ARHGAP12: variants seen among roughly 807,000 people sequenced by gnomAD.
The protein encoded by ARHGAP12 is Rho GTPase activating protein 12.
ARHGAP12 carries 64 observed loss-of-function variants against 108.6 expected under a neutral mutation model. That is an observed-to-expected ratio of 0.59 (90% CI 0.48 to 0.73). ARHGAP12 has a LOEUF of 0.73. Among genes scored for constraint, ARHGAP12 ranks in the 30% least tolerant of loss-of-function variants. The pLI is 0.00. For missense variants in ARHGAP12, 940 were observed against 1,005.9 expected, an observed-to-expected ratio of 0.93 and a Z score of 0.89; for synonymous variants, 312 against 337.2, an observed-to-expected ratio of 0.93 and a Z score of 0.82.
At chr10:31,883,017 C>T (rs1238013791) in intron 3 of ARHGAP12, among the ~76,000 whole-genome samples, 4 of 150,040 alleles carry the variant, frequency 2.7e-5, no homozygotes, top group Admixed American at 6.6e-5. Context: ...ACTCTTGGGC[C>T]GGGCACAGTG....
chr10:31,843,942 T>C (rs1176889164), intron 6 of ARHGAP12, among the ~76,000 whole-genome samples: 2 of 152,218 alleles, frequency 1.3e-5, no homozygotes, highest in African/African-American at 2.4e-5. Flanking sequence ...AAGAGTAGTA[T>C]ATTATCAATA....
In ARHGAP12 at chr10:31,808,980, A is replaced by C. The variant is rs773043178; in HGVS notation, c.2263+14T>G. 1 of 1,560,624 alleles carries C rather than the reference A, an allele frequency of 6.4e-7. No individual in the cohort carries two copies. The highest frequency in any genetic ancestry group is 8.7e-7 in the Non-Finnish European group (1 of 1,144,800). On this transcript the variant is annotated intron_variant, in intron 18 of 19. Coordinates refer to ENST00000344936, the MANE Select transcript of ARHGAP12 (RefSeq NM_018287.7). The stretch of plus-strand genomic sequence containing the variant: ...TCAATATCTAGAAAAAACTGAGTAG[A>C]ATTACATACTTACTAATTGCATTAA...
At chr10:31,887,880 A>C (rs1838248998) in intron 3 of ARHGAP12, among the ~76,000 whole-genome samples, 1 of 151,640 alleles carries the variant, frequency 6.6e-6, no homozygotes, top group Admixed American at 6.6e-5. Context: ...GATGGTCTCA[A>C]TCTTCTGACC....
intron 4 of ARHGAP12, among the ~76,000 whole-genome samples, chr10:31,856,083 G>T (rs962772401): frequency 9.9e-5 from 15 of 152,078 alleles, no homozygotes; most frequent in Non-Finnish European, 1.5e-4. Context: ...CAAATATGAG[G>T]GGGCTATGGT....
At chr10:31,889,620 T>A (rs139440186) in intron 3 of ARHGAP12, among the ~76,000 whole-genome samples, 1 of 54,012 alleles carries the variant, frequency 1.9e-5, no homozygotes, top group Admixed American at 2.1e-4. Context: ...ATTTTTCTCG[T>A]TTTTTTTTTT....
In ARHGAP12 at chr10:31,805,496, T is replaced by A. The variant is rs915566003; in HGVS notation, c.*2162A>T. ...TATATTTTCTACTATAAAACCAAGC[T>A]GTCAAGACAGGAAAATATTACTAGC... On this transcript the variant is annotated 3_prime_UTR_variant, in exon 20 of 20. Transcript: ENST00000344936. The A allele has an allele frequency of 6.6e-6, 1 of 152,202 alleles. No individual in the cohort carries two copies. Among genetic ancestry groups the A allele is most frequent in the Non-Finnish European group, 1.5e-5 (1 of 68,036 alleles). The allele number at this position is 152,202 out of a possible 1,614,324, so 9.4% of individuals were successfully genotyped here. A position where few individuals can be genotyped will look rare whatever the true frequency, so the allele number is the denominator to read the frequency against.
rs939722629 is a variant in ARHGAP12, at chr10:31,847,310, C to T, written c.1171-3724G>A. Among the ~76,000 whole-genome samples, 54 of 150,308 alleles carry T rather than the reference C, an allele frequency of 3.6e-4. 1 individual carries two copies. The highest frequency in any genetic ancestry group is 2.7e-4 in the Admixed American group (4 of 15,020). On this transcript the variant is annotated intron_variant, in intron 6 of 19. Transcript: ENST00000344936. ...AGGTCATATTTGGATGTTTTGAGTA[C>T]TATAAGACTTTGGTTTCTATTTAAA...
At chr10:31,917,135 G>C (rs1351420512) in intron 1 of ARHGAP12, among the ~76,000 whole-genome samples, 1 of 151,714 alleles carries the variant, frequency 6.6e-6, no homozygotes, top group African/African-American at 2.4e-5. Context: ...CAGGCCGGGC[G>C]CGATGGCTCA....
At chr10:31,879,790 T>C in intron 3 of ARHGAP12, among the ~76,000 whole-genome samples, 1 of 152,186 alleles carries the variant, frequency 6.6e-6, no homozygotes, top group African/African-American at 2.4e-5. Context: ...ACTAATACCA[T>C]CAGTGCTACA....
intron 1 of ARHGAP12, among the ~76,000 whole-genome samples, chr10:31,925,759 C>T (rs578229843): frequency 7.8e-4 from 119 of 152,290 alleles, no homozygotes; most frequent in Non-Finnish European, 1.2e-3. Context: ...CACTTTTAGA[C>T]TCCAAAACTG....
intron 4 of ARHGAP12, among the ~76,000 whole-genome samples, chr10:31,856,520 G>C (rs896512435): frequency 6.6e-6 from 1 of 152,054 alleles, no homozygotes; most frequent in Non-Finnish European, 1.5e-5. Context: ...CCCAATAATT[G>C]GGGAAAATAA....
chr10:31,859,852 T>C (rs188193959), intron 4 of ARHGAP12, among the ~76,000 whole-genome samples: 178 of 151,572 alleles, frequency 1.2e-3, no homozygotes, highest in Non-Finnish European at 2.1e-3. Flanking sequence ...TGGAGTGCAG[T>C]GGTGCAATCT....
In ARHGAP12 at chr10:31,908,188, G is replaced by A; in HGVS notation, c.668C>T (p.Ser223Phe). 1 of 1,604,538 alleles carries A rather than the reference G, an allele frequency of 6.2e-7. No homozygotes were observed. The highest frequency in any genetic ancestry group is 8.5e-7 in the Non-Finnish European group (1 of 1,175,704). Residue 223 changes from serine to phenylalanine, a missense_variant, in exon 3 of 20, where the codon TCC becomes TTC. Transcript: ENST00000344936. Reference protein sequence around the residue: ...SESGDELSSSSTEQIRATTPP... With the variant: ...SESGDELSSSFTEQIRATTPP... ...TAATCTTACCCTTATCTGTTCAGTG[G>A]AGCTGCTGCTAAGTTCATCACCAGA...
chr10:31,861,273 T>A (rs1000302843), intron 4 of ARHGAP12, 122 bp downstream of exon 4: 2 of 1,183,970 alleles, frequency 1.7e-6, no homozygotes, highest in Non-Finnish European at 2.4e-6. Context: ...TTTTTAATGA[T>A]CTTAGAGATC....
chr10:31,907,444 G>C (rs1341183909), intron 3 of ARHGAP12, among the ~76,000 whole-genome samples: 3 of 149,238 alleles, frequency 2.0e-5, no homozygotes, highest in Non-Finnish European at 4.5e-5. Flanking sequence ...GGGCAACACA[G>C]TGAGATCCTG....
chr10:31,868,600 G>A (rs1164511354), intron 3 of ARHGAP12, among the ~76,000 whole-genome samples: 1 of 152,114 alleles, frequency 6.6e-6, no homozygotes, highest in African/African-American at 2.4e-5. Flanking sequence ...CAGAGTTACT[G>A]GGGGTGGCAA....
chr10:31,879,589 T>A (rs1837859694), intron 3 of ARHGAP12, among the ~76,000 whole-genome samples: 1 of 152,194 alleles, frequency 6.6e-6, no homozygotes, highest in Non-Finnish European at 1.5e-5. Flanking sequence ...TAACTTAATC[T>A]TCCCCAAATA....
chr10:31,927,426 A>C (rs1041701222), intron 1 of ARHGAP12, among the ~76,000 whole-genome samples: 5 of 152,140 alleles, frequency 3.3e-5, no homozygotes, highest in Non-Finnish European at 7.4e-5. Context: ...TTCCATTGAA[A>C]CACCCGGAGT....
intron 3 of ARHGAP12, among the ~76,000 whole-genome samples, chr10:31,892,534 ATT>A (rs1328454071): frequency 6.6e-6 from 1 of 152,260 alleles, no homozygotes; most frequent in Non-Finnish European, 1.5e-5. Flanking sequence ...AAAGGGATCA[ATT>A]CAACAAGAAG....
Sources: allele counts gnomAD v4.1 joint callset (sites outside exome capture counted in the v4.1 genomes callset), GRCh38; gene constraint gnomAD v4.1.1; transcripts MANE v1.5; gene names NCBI Gene and HGNC (gene_info 2026-07-23, HGNC 2026-07-21).